ABCB6: variants seen among roughly 807,000 people sequenced by gnomAD.
The protein encoded by ABCB6 is ATP-binding cassette sub-family B member 6.
A neutral mutation model predicts 99.4 loss-of-function variants in ABCB6; 87 were observed. That is an observed-to-expected ratio of 0.88 (90% CI 0.74 to 1.05). ABCB6 has a LOEUF of 1.05. ABCB6 is among the 50% of genes least tolerant of loss of function. The pLI, the probability that ABCB6 is intolerant of heterozygous loss-of-function variation, is 0.00. For missense variants in ABCB6, 1,050 were observed against 1,097.9 expected (o/e 0.96, Z 0.62); for synonymous variants, 482 against 447.5 (o/e 1.08, Z -0.97).
Position 219,215,945 on chromosome 2 carries a change from C to G in ABCB6, c.1154+52G>C, listed in dbSNP as rs1359594988. 2.7e-6 allele frequency: 4 copies of G among 1,481,084 alleles called. No individual in the cohort carries two copies. In the East Asian group the frequency reaches 9.6e-5, roughly 36 times the overall value. The allele number at this position is 1,481,084 out of a possible 1,614,324, so 91.7% of individuals were successfully genotyped here. A position where few individuals can be genotyped will look rare whatever the true frequency, so the allele number is the denominator to read the frequency against. On this transcript the variant is annotated intron_variant, in intron 5 of 18. Transcript: ENST00000265316. ...TTCTCTTCCTCCCACGGGCCCCTAT[C>G]CCTGCTTCTCCGGCTCCACCCTCCC...
Position 219,213,728 on chromosome 2 carries a change from AC to A in ABCB6, c.1579-63del. 4 of 1,613,474 alleles carry A rather than the reference AC, an allele frequency of 2.5e-6. No individual in the cohort carries two copies. In the South Asian group the frequency reaches 3.3e-5, roughly 13 times the overall value. On this transcript the variant is annotated intron_variant, in intron 9 of 18. Transcript: ENST00000265316. ...GCCTGCAGGCCGCTCTTCTTGTGTC[AC>A]CCTGCCCACTTCCTACCGAAGAGCC...
Position 219,216,175 on chromosome 2 carries a change from C to T in ABCB6, c.976G>A (p.Val326Met), listed in dbSNP as rs1338041879. Residue 326 changes from valine to methionine, a missense_variant, in exon 5 of 19, where the codon GTG (valine) becomes ATG (methionine). Transcript: ENST00000265316. The surrounding 1 kb of genome is among the most constrained non-coding windows in gnomAD (Gnocchi z 4.2). ...CACAGGAAGGTGCGCAGGTTGCTCACGAAGCCTGCAGGGAGCCGGGGGACG... is the reference window on the plus strand; with the variant it reads ...CACAGGAAGGTGCGCAGGTTGCTCATGAAGCCTGCAGGGAGCCGGGGGACG... ...QGGGTGSTGFVSNLRTFLWIR... is the reference protein window; with the variant it reads ...QGGGTGSTGFMSNLRTFLWIR... The T allele has an allele frequency of 2.5e-6, 4 of 1,589,608 alleles. No individual in the cohort carries two copies. The African/African-American group carries it at 4.0e-5, about 16-fold the overall frequency.
intron 14 of ABCB6, among the ~76,000 whole-genome samples, chr2:219,211,924 C>T (rs1177345610): frequency 6.6e-6 from 1 of 152,088 alleles, no homozygotes; most frequent in Admixed American, 6.5e-5. Context: ...CCACCACGCC[C>T]AGCAAATTTT....
chr2:219,210,825 T>G lies in ABCB6; in HGVS notation c.2144-2A>C. ...GCTCGCCCACCTGTGTCCTGTACCC[T>G]GTGGATATTACCCACCACACGTTTC... On this transcript the variant is annotated splice_acceptor_variant, in intron 15 of 18. Transcript: ENST00000265316. LOFTEE classifies it high-confidence loss of function. 6.2e-7 allele frequency: 1 copy of G among 1,613,898 alleles called. No individual in the cohort carries two copies. Among genetic ancestry groups the G allele is most frequent in the South Asian group, 1.1e-5 (1 of 91,066 alleles).
chr2:219,217,642 C>T, intron 2 of ABCB6, 28 bp downstream of exon 2: 5 of 1,547,650 alleles, frequency 3.2e-6, no homozygotes, highest in Non-Finnish European at 4.4e-6. Flanking sequence ...GACTCCGTCT[C>T]CAAAAAAAAA....
chr2:219,216,927 C>T lies in ABCB6; in HGVS notation c.688-95G>A, dbSNP rs2106428942. The T allele has an allele frequency of 3.5e-6, 4 of 1,142,214 alleles. No homozygotes were observed. In the East Asian group the frequency reaches 7.8e-5, roughly 22 times the overall value. 70.8% of individuals were successfully genotyped at this position (1,142,214 alleles called of 1,614,324 possible). A position where few individuals can be genotyped will look rare whatever the true frequency, so the allele number is the denominator to read the frequency against. On this transcript the variant is annotated intron_variant, in intron 2 of 18. Transcript: ENST00000265316. The surrounding 1 kb of genome is among the most constrained non-coding windows in gnomAD (Gnocchi z 4.2). ...GGAAAAACCTATGGGGTTACAGCTCCCAGGTATCTCAGACCCACAAGTGAT... is the reference window on the plus strand; with the variant it reads ...GGAAAAACCTATGGGGTTACAGCTCTCAGGTATCTCAGACCCACAAGTGAT...
Position 219,210,308 on chromosome 2 carries a change from C to G in ABCB6, c.2352-10G>C. The G allele has an allele frequency of 6.2e-7, 1 of 1,614,226 alleles. No homozygotes were observed. Among genetic ancestry groups the G allele is most frequent in the Non-Finnish European group, 8.5e-7 (1 of 1,180,038 alleles). Reference sequence around the variant, plus strand: ...GACCACAGTTGAGAGCCTGAGAAGTCAAAGATCAGTCGCCTACTACCCCAC... The same window carrying G: ...GACCACAGTTGAGAGCCTGAGAAGTGAAAGATCAGTCGCCTACTACCCCAC... On this transcript the variant is annotated splice_polypyrimidine_tract_variant and intron_variant, in intron 17 of 18. Transcript: ENST00000265316.
intron 8 of ABCB6, 54 bp from the exon 9 acceptor site, chr2:219,214,005 A>C: frequency 6.2e-7 from 1 of 1,612,540 alleles, no homozygotes; most frequent in Non-Finnish European, 8.5e-7. Flanking sequence ...GCCATCAGTG[A>C]GTCCAAACCT....
intron 5 of ABCB6, chr2:219,215,306 A>C (rs1418460297): frequency 3.0e-5 from 16 of 532,602 alleles, no homozygotes; most frequent in Admixed American, 6.8e-5. Context: ...ATGGAAGAAA[A>C]ATATATCTCC....
rs141144142 is a variant in ABCB6, at chr2:219,210,038, G to A, written c.2429C>T (p.Ala810Val). Residue 810 changes from alanine to valine, a missense_variant, in exon 19 of 19, where the codon GCT becomes GTT. Physicochemically the swap from Ala to Val is moderately conservative, Grantham distance 64. Coordinates refer to ENST00000265316, the MANE Select transcript of ABCB6 (RefSeq NM_005689.4). ...ATACACCCCACCTCGGGACAACAGA[G>A]CCTCGTGTCTGGGGTGAGGAGAAAA... ...GCIVERGRHE[A>V]LLSRGGVYAD... 11 of 1,613,926 alleles carry A rather than the reference G, an allele frequency of 6.8e-6. No homozygotes were observed. In the African/African-American group the frequency reaches 8.0e-5, roughly 12 times the overall value.
At chr2:219,211,186 A>C in intron 14 of ABCB6, 78 bp from the exon 15 acceptor site, 1 of 1,517,872 alleles carries the variant, frequency 6.6e-7, no homozygotes, top group Admixed American at 1.7e-5. Context: ...GGCCGGAAGC[A>C]CGTGGGATAA....
rs745676016 is a variant in ABCB6, at chr2:219,218,385, T to C, written c.289A>G (p.Thr97Ala). ...CTTGGCAGTGGGGCCCCCCGGGCAGTGCCCACCCGGCCAGCCAGGCCGGCC... is the reference window on the plus strand; with the variant it reads ...CTTGGCAGTGGGGCCCCCCGGGCAGCGCCCACCCGGCCAGCCAGGCCGGCC... ...PLAGLAGRVGTARGAPLPSYL... is the reference protein window; with the variant it reads ...PLAGLAGRVGAARGAPLPSYL... The change falls in exon 1 of 19, where the codon ACT becomes GCT. Residue 97 changes from threonine (T) to alanine (A), a missense_variant. Thr to Ala is a moderately conservative substitution (Grantham distance 58). Transcript: ENST00000265316. 1.2e-6 allele frequency: 2 copies of C among 1,612,436 alleles called. No individual in the cohort carries two copies. The highest frequency in any genetic ancestry group is 2.2e-5 in the East Asian group (1 of 44,874).
intron 5 of ABCB6, chr2:219,215,373 G>A: frequency 6.0e-6 from 2 of 331,986 alleles, no homozygotes; most frequent in Admixed American, 4.5e-5. Flanking sequence ...AATACCATTT[G>A]TTTTAGGAAA....
At position 219,214,494 on chromosome 2, in the gene ABCB6, C is replaced by A; in HGVS notation, c.1281G>T (p.Leu427=). 1 of 1,612,552 alleles carries A rather than the reference C, an allele frequency of 6.2e-7. No individual in the cohort carries two copies. The highest frequency in any genetic ancestry group is 1.1e-5 in the South Asian group (1 of 91,028). Residue 427 remains leucine (L), a synonymous_variant, in exon 7 of 19, where the codon CTG becomes CTT. Transcript: ENST00000265316. ...TTCTCCACTCAGTGACCACAATGGT[C>A]AGGGCTGGAGAGTGACAGGATGGGG... The part of the protein sequence containing the change: ...VFLCMSLYLT[L]TIVVTEWRTK...
In ABCB6 at chr2:219,210,709, A is replaced by C. The variant is rs1559234527; in HGVS notation, c.2256+2T>G. On this transcript the variant is annotated splice_donor_variant, in intron 16 of 18. Coordinates refer to ENST00000265316, the MANE Select transcript of ABCB6 (RefSeq NM_005689.4). LOFTEE classifies it high-confidence loss of function. ...AAGGAGGGGAGGAGACCCAGGGCGC[A>C]CCTCATCCAGCAGAATGATGCCCGG... The C allele has an allele frequency of 6.2e-6, 10 of 1,613,542 alleles. No individual in the cohort carries two copies. The highest frequency in any genetic ancestry group is 1.1e-5 in the South Asian group (1 of 91,070).
intron 9 of ABCB6, 32 bp downstream of exon 9, chr2:219,213,794 G>C: frequency 6.2e-7 from 1 of 1,613,584 alleles, no homozygotes; most frequent in Non-Finnish European, 8.5e-7. Flanking sequence ...TTTTCCTTGT[G>C]CCCCACTCTC....
At chr2:219,217,571 G>T in intron 2 of ABCB6, 99 bp downstream of exon 2, 3 of 971,992 alleles carry the variant, frequency 3.1e-6, no homozygotes, top group Non-Finnish European at 4.6e-6. Flanking sequence ...TTGAACCCGG[G>T]AGGTGGAGGT....
In ABCB6 at chr2:219,210,394, C is replaced by T. The variant is rs201104967; in HGVS notation, c.2338G>A (p.Val780Ile). Residue 780 changes from valine to isoleucine, a missense_variant, in exon 17 of 19, where the codon GTA (valine) becomes ATA (isoleucine). By Grantham distance (29) the Val-to-Ile change is conservative. Transcript: ENST00000265316. ...GTAGTCCTGTACCTGTGTGCCACTA[C>T]GATGGTGGTGCGGTTGGCACAGACT... Reference protein sequence around the residue: ...AKVCANRTTIVVAHRLSTVVN... With the variant: ...AKVCANRTTIIVAHRLSTVVN... 383 of 1,614,194 alleles carry T rather than the reference C, an allele frequency of 2.4e-4. 3 individuals are homozygous for T. Among genetic ancestry groups the T allele is most frequent in the Admixed American group, 2.2e-4 (13 of 60,022 alleles).
rs1950611653 is a variant in ABCB6 at position 219,214,155 on chromosome 2, A to C, written c.1418T>G (p.Val473Gly). The C allele has an allele frequency of 1.9e-6, 3 of 1,614,000 alleles. No individual in the cohort carries two copies. The highest frequency in any genetic ancestry group is 1.7e-6 in the Non-Finnish European group (2 of 1,180,038). ...GATGATGGCCTCTCGATAGCGTTCC[A>C]CTTCGTAACTCTCGGCGTTGTAATA... ...VKYYNAESYE[V>G]ERYREAIIKY... Residue 473 changes from valine (V) to glycine (G), a missense_variant, in exon 8 of 19, where the codon GTG (valine) becomes GGG (glycine). Coordinates refer to ENST00000265316, the MANE Select transcript of ABCB6 (RefSeq NM_005689.4).
Sources: gnomAD v4.1 joint callset for allele counts (sites outside exome capture counted in the v4.1 genomes callset) on GRCh38, gnomAD v4.1.1 for gene constraint, Gnocchi (gnomAD v3.1) non-coding constraint, MANE v1.5 for transcripts, NCBI Gene and HGNC (gene_info 2026-07-23, HGNC 2026-07-21) for gene names.